The following SNX19 variants were observed in gnomAD, a reference collection of about 807,000 sequenced individuals.
SNX19 encodes sorting nexin-19.
A neutral mutation model predicts 85.2 loss-of-function variants in SNX19; 60 were observed. The ratio of observed to expected loss-of-function variants is 0.70; its 90% CI spans 0.57 to 0.87. SNX19 has a LOEUF of 0.87. Ranked by LOEUF, SNX19 falls within the 40% of genes least tolerant of loss-of-function variation. The pLI is 0.00. For missense variants in SNX19, 1,201 were observed against 1,217.8 expected (o/e 0.99, Z 0.21); for synonymous variants, 520 against 470.0 (o/e 1.11, Z -1.38).
In SNX19 at chr11:130,869,568, C is replaced by T. The variant is rs534237811; in HGVS notation, c.*8854G>A. 24 of 152,244 alleles carry T rather than the reference C, an allele frequency of 1.6e-4. No homozygotes were observed. The East Asian group carries it at 2.5e-3, about 16-fold the overall frequency. 9.4% of individuals were successfully genotyped at this position (152,244 alleles called of 1,614,324 possible). On this transcript the variant is annotated 3_prime_UTR_variant, in exon 11 of 11. Coordinates refer to ENST00000265909, the MANE Select transcript of SNX19 (RefSeq NM_014758.3). ...TACAACAGATTTTCCACAGAAAGCT[C>T]AACAAGTCACTAAACTTTCTGAGTC...
chr11:130,899,576 A>C (rs1228274038), intron 8 of SNX19, among the ~76,000 whole-genome samples: 4 of 152,218 alleles, frequency 2.6e-5, no homozygotes, highest in African/African-American at 9.7e-5. Context: ...TTGGGTGAGG[A>C]GACTGCTAAC....
chr11:130,881,472 A>G (rs1943667514), intron 8 of SNX19, among the ~76,000 whole-genome samples: 1 of 152,182 alleles, frequency 6.6e-6, no homozygotes, highest in Admixed American at 6.5e-5. Flanking sequence ...GGCTGCACCT[A>G]TTATCTTTCT....
At chr11:130,909,119 C>A (rs1049196031) in intron 4 of SNX19, among the ~76,000 whole-genome samples, 4 of 152,146 alleles carry the variant, frequency 2.6e-5, no homozygotes, top group African/African-American at 9.7e-5. Context: ...GTGGGGAGGT[C>A]CTCATCTGTC....
At position 130,873,263 on chromosome 11, in the gene SNX19, T is replaced by C. The variant is rs1943096344; in HGVS notation, c.*5159A>G. Among the ~76,000 whole-genome samples the C allele has an allele frequency of 6.6e-6, 1 of 152,214 alleles. No homozygotes were observed. The highest frequency in any genetic ancestry group is 2.4e-5 in the African/African-American group (1 of 41,464). ...ATTGGAACACAGCCACACTTGTTTA[T>C]GAATTGTCTACAACTGTTTTTACGC... On this transcript the variant is annotated 3_prime_UTR_variant, in exon 11 of 11. Transcript: ENST00000265909.
chr11:130,906,625 C>T lies in SNX19; in HGVS notation c.2262G>A (p.Val754=), dbSNP rs750959394. The T allele has an allele frequency of 4.8e-5, 78 of 1,608,784 alleles. No individual in the cohort carries two copies. Among genetic ancestry groups the T allele is most frequent in the Non-Finnish European group, 6.2e-5 (73 of 1,175,634 alleles). ...KILYCLQEGN[V]ESETLSMSAM... ...ACATTCTCTGGGTTTTGGTTCTTAC[C>T]ACATTGCCTTCCTGGAGACAATAAA... Residue 754 remains valine (V), a splice_region_variant and synonymous_variant, in exon 6 of 11, where the codon GTG becomes GTA. Transcript: ENST00000265909.
intron 1 of SNX19, among the ~76,000 whole-genome samples, chr11:130,912,185 G>A (rs1565552487): frequency 6.6e-6 from 1 of 152,112 alleles, no homozygotes; most frequent in East Asian, 1.9e-4. Flanking sequence ...ATTAGTTAAG[G>A]GAAGAAGAAG....
In SNX19 at chr11:130,908,260, T is replaced by C. The variant is rs571158818; in HGVS notation, c.2035-177A>G. ...AGCTAATGACTTAGTGCCAACTATC[T>C]TTCCTTTTTTCCATGGCCATAAAAA... On this transcript the variant is annotated intron_variant, in intron 4 of 10. Transcript: ENST00000265909. 5 of 520,372 alleles carry C rather than the reference T, an allele frequency of 9.6e-6. No individual in the cohort carries two copies. The Admixed American group carries it at 1.2e-4, about 13-fold the overall frequency. 32.2% of individuals were successfully genotyped at this position (520,372 alleles called of 1,614,324 possible). A position where few individuals can be genotyped will look rare whatever the true frequency, so the allele number is the denominator to read the frequency against.
In SNX19 at chr11:130,906,016, G is replaced by A. The variant is rs1945639165; in HGVS notation, c.2380C>T (p.Arg794Cys). 1.9e-6 allele frequency: 3 copies of A among 1,614,206 alleles called. No homozygotes were observed. In the East Asian group the frequency reaches 6.7e-5, roughly 36 times the overall value. ...EKDPEQPPKG[R>C]VDSCVSDAAV... ...GCATCTGACACGCAACTGTCCACAC[G>A]TCCTTTGGGAGGTTGTTCAGGATCT... is the stretch of plus-strand genomic sequence containing the variant. The change falls in exon 7 of 11, where the codon CGT (arginine) becomes TGT (cysteine). Residue 794 changes from arginine (R) to cysteine (C), a missense_variant. Physicochemically the swap from Arg to Cys is radical, Grantham distance 180 (BLOSUM62 -3). Coordinates refer to ENST00000265909, the MANE Select transcript of SNX19 (RefSeq NM_014758.3).
chr11:130,911,704 C>A lies in SNX19; in HGVS notation c.1742G>T (p.Arg581Leu), dbSNP rs779185353. Residue 581 changes from arginine to leucine, a missense_variant, in exon 2 of 11, where the codon CGT becomes CTT. By Grantham distance (102) the Arg-to-Leu change is moderately radical. Around this residue, in one of 3 missense-constraint regions of SNX19, gnomAD observed 791 missense variants for 750.9 expected, o/e 1.05. Coordinates refer to ENST00000265909, the MANE Select transcript of SNX19 (RefSeq NM_014758.3). ...LQQLAYHTVN[R>L]RYREFLNLQT... Reference sequence around the variant, plus strand: ...CAGATTCAAGAACTCCCGATAGCGACGATTCACAGTGTGGTAGGCCAGCTG... The same window carrying A: ...CAGATTCAAGAACTCCCGATAGCGAAGATTCACAGTGTGGTAGGCCAGCTG... The A allele has an allele frequency of 3.7e-6, 6 of 1,614,048 alleles. No homozygotes were observed. In the African/African-American group the frequency reaches 8.0e-5, roughly 22 times the overall value.
At chr11:130,880,524 G>C in intron 9 of SNX19, 98 bp downstream of exon 9, 1 of 1,094,686 alleles carries the variant, frequency 9.1e-7, no homozygotes, top group Non-Finnish European at 1.3e-6. Flanking sequence ...CCACATTCAG[G>C]GCCCTTTTAC....
Position 130,874,067 on chromosome 11 carries a change from G to T in SNX19, c.*4355C>A, listed in dbSNP as rs1399939624. 1.3e-5 allele frequency among the ~76,000 whole-genome samples: 2 copies of T among 151,740 alleles called. No individual in the cohort carries two copies. Among genetic ancestry groups the T allele is most frequent in the Non-Finnish European group, 2.9e-5 (2 of 67,972 alleles). On this transcript the variant is annotated 3_prime_UTR_variant, in exon 11 of 11. Coordinates refer to ENST00000265909, the MANE Select transcript of SNX19 (RefSeq NM_014758.3). ...TTTGGGGTCTCACTCTGTCACTTAA[G>T]GCTAGAATGCAGTGGTGTGATCGTA...
At chr11:130,911,560 T>C (rs1946127902) in intron 2 of SNX19, 73 bp downstream of exon 2, 2 of 1,598,992 alleles carry the variant, frequency 1.3e-6, no homozygotes, top group African/African-American at 1.3e-5. Flanking sequence ...ATCCCTCCCA[T>C]AAACCAACAG....
rs199941035 is a variant in SNX19, at chr11:130,911,671, C to A, written c.1775G>T (p.Arg592Leu). Residue 592 changes from arginine to leucine, a missense_variant, in exon 2 of 11, where the codon CGT (arginine) becomes CTT (leucine). By Grantham distance (102) the Arg-to-Leu change is moderately radical. Coordinates refer to ENST00000265909, the MANE Select transcript of SNX19 (RefSeq NM_014758.3). ...TCGTAGATCTGGTTTCTCCTCCAGA[C>A]GGGTCTGCAGATTCAAGAACTCCCG... ...RYREFLNLQT[R>L]LEEKPDLRKF... 2.5e-6 allele frequency: 4 copies of A among 1,614,166 alleles called. No individual in the cohort carries two copies. The highest frequency in any genetic ancestry group is 2.2e-5 in the East Asian group (1 of 44,872).
chr11:130,914,977 AC>A lies in SNX19; in HGVS notation c.962del (p.Gly321ValfsTer16). 1 of 1,614,016 alleles carries A rather than the reference AC, an allele frequency of 6.2e-7. No homozygotes were observed. Among genetic ancestry groups the A allele is most frequent in the Non-Finnish European group, 8.5e-7 (1 of 1,179,954 alleles). On this transcript the variant is annotated frameshift_variant, in exon 1 of 11. Transcript: ENST00000265909. LOFTEE classifies it high-confidence loss of function. ...PVFLSYSEPE[G>X]SAGPSPEVEE... ...CAACCTCTGGAGAGGGGCCTGCAGA[AC>A]CCTCTGGCTCACTGTAACTTAGGAA...
intron 8 of SNX19, among the ~76,000 whole-genome samples, chr11:130,902,093 T>A (rs1945295524): frequency 6.6e-6 from 1 of 152,204 alleles, no homozygotes; most frequent in Non-Finnish European, 1.5e-5. Flanking sequence ...GGCTTTGAAG[T>A]TGTACAAATC....
Position 130,878,356 on chromosome 11 carries a change from C to T in SNX19, c.*66G>A. 6.4e-7 allele frequency: 1 copy of T among 1,566,916 alleles called. No individual in the cohort carries two copies. The highest frequency in any genetic ancestry group is 8.7e-7 in the Non-Finnish European group (1 of 1,152,808). On this transcript the variant is annotated 3_prime_UTR_variant, in exon 11 of 11. Transcript: ENST00000265909. ...CCTACTTGAAGAGGGCACGGGCTTCCTGACTGGTCTCTGGTGGCCGAGTAA... is the reference window on the plus strand; with the variant it reads ...CCTACTTGAAGAGGGCACGGGCTTCTTGACTGGTCTCTGGTGGCCGAGTAA...
intron 8 of SNX19, among the ~76,000 whole-genome samples, chr11:130,888,332 G>T (rs1471196017): frequency 6.6e-6 from 1 of 152,144 alleles, no homozygotes; most frequent in Non-Finnish European, 1.5e-5. Context: ...ATAAGATGAA[G>T]AGCAGTGCTC....
At chr11:130,908,583 G>T (rs1945851095) in intron 4 of SNX19, among the ~76,000 whole-genome samples, 1 of 152,170 alleles carries the variant, frequency 6.6e-6, no homozygotes, top group Admixed American at 6.5e-5. Context: ...CTTACACAGA[G>T]CAAACAATCA....
chr11:130,907,824 G>T, intron 5 of SNX19, 129 bp downstream of exon 5: 1 of 1,398,420 alleles, frequency 7.2e-7, no homozygotes, highest in Non-Finnish European at 9.7e-7. Flanking sequence ...GTCTAGCTTT[G>T]CCTAAAAACT....
Sources: allele counts gnomAD v4.1 joint callset (sites outside exome capture counted in the v4.1 genomes callset), GRCh38; gene constraint gnomAD v4.1.1; regional missense constraint gnomAD v4.1.1; transcripts MANE v1.5; gene names NCBI Gene and HGNC (gene_info 2026-07-23, HGNC 2026-07-21).